The following ELL2 variants were observed in gnomAD, a reference collection of about 807,000 sequenced individuals.
The protein encoded by ELL2 is RNA polymerase II elongation factor ELL2.
Under a neutral mutation model 72.8 loss-of-function variants are expected in ELL2, and 21 were observed. The observed-to-expected ratio is 0.29, with a 90% CI of 0.20 to 0.42. The LOEUF is 0.42. ELL2 is among the 10% of genes least tolerant of loss of function. ELL2 has a pLI of 1.00. For missense variants in ELL2, 568 were observed against 772.8 expected (o/e 0.73, Z 3.14); for synonymous variants, 266 against 283.2 (o/e 0.94, Z 0.61).
chr5:95,927,132 T>C (rs1428953549), intron 2 of ELL2, among the ~76,000 whole-genome samples: 4 of 151,962 alleles, frequency 2.6e-5, no homozygotes, highest in Non-Finnish European at 5.9e-5. Flanking sequence ...TGAATAAAAC[T>C]GACAAAGATT....
intron 2 of ELL2, among the ~76,000 whole-genome samples, chr5:95,942,351 A>G (rs1750999160): frequency 6.6e-6 from 1 of 152,144 alleles, no homozygotes; most frequent in Non-Finnish European, 1.5e-5. Context: ...CAAAAAGAAT[A>G]ATTGAGTCTA....
chr5:95,893,286 A>G (rs1466912922), intron 9 of ELL2, among the ~76,000 whole-genome samples: 1 of 152,224 alleles, frequency 6.6e-6, no homozygotes, highest in Non-Finnish European at 1.5e-5. Context: ...AAAATTTTAA[A>G]CAGTTTTGAT....
intron 1 of ELL2, among the ~76,000 whole-genome samples, chr5:95,947,762 A>T (rs540875656): frequency 4.6e-5 from 7 of 152,332 alleles, no homozygotes; most frequent in African/African-American, 1.7e-4. Context: ...ATGTTCACTC[A>T]GTTCTTTTGG....
At chr5:95,917,895 T>C (rs1277051613) in intron 3 of ELL2, among the ~76,000 whole-genome samples, 1 of 152,174 alleles carries the variant, frequency 6.6e-6, no homozygotes, top group Non-Finnish European at 1.5e-5. Context: ...ATTGTTCAAT[T>C]TGATATCAAA....
At chr5:95,954,339 C>T (rs886757267) in intron 1 of ELL2, among the ~76,000 whole-genome samples, 2 of 151,882 alleles carry the variant, frequency 1.3e-5, no homozygotes, top group African/African-American at 2.4e-5. Flanking sequence ...GGTACTCCTC[C>T]TAGTGCCAAT....
In ELL2 at chr5:95,961,085, C is replaced by T. The variant is rs150494186; in HGVS notation, c.147+490G>A. Among the ~76,000 whole-genome samples, 368 of 152,222 alleles carry T rather than the reference C, an allele frequency of 2.4e-3. 1 individual carries two copies. Among genetic ancestry groups the T allele is most frequent in the Middle Eastern group, 6.8e-3 (2 of 294 alleles). ...GGGAATACAAGGTCCCACCCCCACA[C>T]GCGGAGCGCCTGTGTCCTGTCTCTG... is the stretch of plus-strand genomic sequence containing the variant. On this transcript the variant is annotated intron_variant, in intron 1 of 11. Coordinates refer to ENST00000237853, the MANE Select transcript of ELL2 (RefSeq NM_012081.6).
At chr5:95,934,018 A>G (rs947547618) in intron 2 of ELL2, among the ~76,000 whole-genome samples, 6 of 152,212 alleles carry the variant, frequency 3.9e-5, no homozygotes, top group Admixed American at 2.6e-4. Flanking sequence ...GCATCATCTT[A>G]CTATTCAGTG....
intron 2 of ELL2, among the ~76,000 whole-genome samples, chr5:95,925,046 G>A (rs1750236442): frequency 6.6e-6 from 1 of 152,202 alleles, no homozygotes; most frequent in Non-Finnish European, 1.5e-5. Flanking sequence ...CTGTCCTTGA[G>A]TCAAATACTT....
intron 1 of ELL2, 99 bp from the exon 2 acceptor site, chr5:95,943,148 CAGT>C: frequency 1.0e-6 from 1 of 968,550 alleles, no homozygotes; most frequent in African/African-American, 1.7e-5. Context: ...GGGCCAGGCA[CAGT>C]GACTCATGAC....
intron 2 of ELL2, among the ~76,000 whole-genome samples, chr5:95,920,691 C>G (rs1305909390): frequency 6.6e-6 from 1 of 152,100 alleles, no homozygotes; most frequent in African/African-American, 2.4e-5. Flanking sequence ...TGTCCTTCAA[C>G]TGCTCCACTC....
intron 1 of ELL2, among the ~76,000 whole-genome samples, chr5:95,959,577 G>A (rs1029881903): frequency 6.6e-6 from 1 of 152,116 alleles, no homozygotes; most frequent in Non-Finnish European, 1.5e-5. Context: ...CTCCCACTCC[G>A]TCTGATGCTG....
At chr5:95,895,517 G>T in intron 9 of ELL2, 111 bp downstream of exon 9, 1 of 966,374 alleles carries the variant, frequency 1.0e-6, no homozygotes, top group Non-Finnish European at 1.6e-6. Context: ...GGTGGCTCCA[G>T]GACTCTATTT....
In ELL2 at chr5:95,931,993, T is replaced by G. The variant is rs1750619631; in HGVS notation, c.195+11009A>C. On this transcript the variant is annotated intron_variant, in intron 2 of 11. Coordinates refer to ENST00000237853, the MANE Select transcript of ELL2 (RefSeq NM_012081.6). ...CTGTGGGGGTGTTTTTTTTTTTTTGTATCAAGCTATAGGTAGCCCTAAAAA... is the reference window on the plus strand; with the variant it reads ...CTGTGGGGGTGTTTTTTTTTTTTTGGATCAAGCTATAGGTAGCCCTAAAAA... Among the ~76,000 whole-genome samples, 3 of 148,082 alleles carry G rather than the reference T, an allele frequency of 2.0e-5. No individual in the cohort carries two copies. The Admixed American group carries it at 2.0e-4, about 10-fold the overall frequency.
intron 8 of ELL2, among the ~76,000 whole-genome samples, chr5:95,896,137 A>AT (rs1258852689): frequency 1.3e-5 from 2 of 152,184 alleles, no homozygotes; most frequent in African/African-American, 4.8e-5. Context: ...TGGTCACTGT[A>AT]TTTTTATTGC....
chr5:95,902,824 C>T (rs1218142995), intron 5 of ELL2, among the ~76,000 whole-genome samples: 1 of 152,172 alleles, frequency 6.6e-6, no homozygotes, highest in Non-Finnish European at 1.5e-5. Context: ...CTCTGTCACC[C>T]AGGCTGGAGT....
intron 10 of ELL2, among the ~76,000 whole-genome samples, chr5:95,890,066 C>T (rs189441145): frequency 4.6e-5 from 7 of 152,220 alleles, no homozygotes; most frequent in Non-Finnish European, 1.0e-4. Flanking sequence ...CCCAAGGCCA[C>T]ACAAATATTA....
At chr5:95,910,452 A>ATT (rs1257772959) in intron 4 of ELL2, among the ~76,000 whole-genome samples, 1 of 148,740 alleles carries the variant, frequency 6.7e-6, no homozygotes, top group East Asian at 1.9e-4. Context: ...GTGACGAGTG[A>ATT]TTTTTTTTTT....
intron 1 of ELL2, among the ~76,000 whole-genome samples, chr5:95,960,913 C>T (rs2112367870): frequency 6.6e-6 from 1 of 151,968 alleles, no homozygotes; most frequent in African/African-American, 2.4e-5. Flanking sequence ...CCCGCCGTTC[C>T]AGTGTGCGCC....
chr5:95,905,233 A>ATG (rs199679913), intron 5 of ELL2, among the ~76,000 whole-genome samples: 10 of 137,322 alleles, frequency 7.3e-5, no homozygotes, highest in East Asian at 2.3e-4. Flanking sequence ...ACTTTGAGAT[A>ATG]CGCGCACACA....
Sources: allele counts gnomAD v4.1 joint callset (sites outside exome capture counted in the v4.1 genomes callset), GRCh38; gene constraint gnomAD v4.1.1; transcripts MANE v1.5; gene names NCBI Gene and HGNC (gene_info 2026-07-23, HGNC 2026-07-21).